The following ZNF226 variants were observed in gnomAD, a reference collection of about 807,000 sequenced individuals.
ZNF226 encodes the protein Kruppel-associated box protein.
In ZNF226, 6 loss-of-function variants were observed where a neutral mutation model predicts 11.4. The observed-to-expected ratio is 0.53, with a 90% CI of 0.29 to 1.04. The LOEUF is 1.04. ZNF226 is among the 50% of genes least tolerant of loss of function. The pLI is 0.08. For missense variants in ZNF226, 1,058 were observed against 956.5 expected, an observed-to-expected ratio of 1.11 and a Z score of -1.40; for synonymous variants, 350 against 322.8, an observed-to-expected ratio of 1.08 and a Z score of -0.90.
At chr19:44,165,435 C>T (rs376919769) in intron 1 of ZNF226, among the ~76,000 whole-genome samples, 1 of 152,042 alleles carries the variant, frequency 6.6e-6, no homozygotes, top group African/African-American at 2.4e-5. Context: ...TCACATTGAG[C>T]GAGTTAGTTA....
the ZNF226 span, among the ~76,000 whole-genome samples, chr19:44,192,127 T>G: frequency 1.4e-4 from 21 of 152,336 alleles, no homozygotes; most frequent in African/African-American, 4.6e-4. Flanking sequence ...ATGTGGAATT[T>G]ATTGGTTAAA....
At position 44,176,685 on chromosome 19, in the gene ZNF226, T is replaced by C. The variant is rs1222931829; in HGVS notation, c.1423T>C (p.Tyr475His). ...GGGAGTTCACACTGGAGAGAAGTCA[T>C]ACATATGTACTGTATGTGGGAAAGG... is the stretch of plus-strand genomic sequence containing the variant. ...HQGVHTGEKS[Y>H]ICTVCGKGFT... is the part of the protein sequence containing the mutation. Residue 475 changes from tyrosine to histidine, a missense_variant, in exon 6 of 6, where the codon TAC becomes CAC. Tyr to His is a moderately conservative substitution (Grantham distance 83, BLOSUM62 2). Coordinates refer to ENST00000337433, the MANE Select transcript of ZNF226 (RefSeq NM_001032373.2). 6.2e-7 allele frequency: 1 copy of C among 1,614,068 alleles called. No homozygotes were observed. Among genetic ancestry groups the C allele is most frequent in the Non-Finnish European group, 8.5e-7 (1 of 1,179,960 alleles).
rs773147201 is a variant in ZNF226, at chr19:44,177,355, C to G, written c.2093C>G (p.Pro698Arg). The change falls in exon 6 of 6, where the codon CCA becomes CGA. Residue 698 changes from proline to arginine, a missense_variant. By Grantham distance (103) the Pro-to-Arg change is moderately radical (BLOSUM62 -2). Coordinates refer to ENST00000337433, the MANE Select transcript of ZNF226 (RefSeq NM_001032373.2). The part of the protein sequence containing the change: ...MHQRVHTGEK[P>R]YKCGECGKYF... ...CAGAGGGTGCACACAGGAGAAAAAC[C>G]ATATAAATGTGGGGAGTGTGGTAAG... 1 of 1,614,022 alleles carries G rather than the reference C, an allele frequency of 6.2e-7. No individual in the cohort carries two copies. The highest frequency in any genetic ancestry group is 8.5e-7 in the Non-Finnish European group (1 of 1,179,998).
rs752899719 is a variant in ZNF226 at position 44,177,668 on chromosome 19, A to G, written c.2406A>G (p.Ile802Met). 1.3e-6 allele frequency: 2 copies of G among 1,576,612 alleles called. No homozygotes were observed. Among genetic ancestry groups the G allele is most frequent in the East Asian group, 4.5e-5 (2 of 44,628 alleles). ...IRESTQEKKS[I>M]K Reference sequence around the variant, plus strand: ...AATCCACACAGGAAAAAAAATCTATAAAATGATTCTTTGTGAAGACTCGTG... The same window carrying G: ...AATCCACACAGGAAAAAAAATCTATGAAATGATTCTTTGTGAAGACTCGTG... Residue 802 changes from isoleucine to methionine, a missense_variant, in exon 6 of 6, where the codon ATA becomes ATG. Transcript: ENST00000337433.
At chr19:44,194,950 C>T in the ZNF226 span, among the ~76,000 whole-genome samples, 1 of 152,256 alleles carries the variant, frequency 6.6e-6, no homozygotes, top group Non-Finnish European at 1.5e-5. Flanking sequence ...TGCATGTAAC[C>T]AAATTGACAT....
intron 3 of ZNF226, among the ~76,000 whole-genome samples, chr19:44,171,222 C>T (rs575792079): frequency 6.6e-6 from 1 of 152,148 alleles, no homozygotes; most frequent in African/African-American, 2.4e-5. Flanking sequence ...ATTAGGTATT[C>T]AGAATTGAAA....
At position 44,177,109 on chromosome 19, in the gene ZNF226, A is replaced by T; in HGVS notation, c.1847A>T (p.Asn616Ile). The T allele has an allele frequency of 3.7e-6, 6 of 1,613,968 alleles. No homozygotes were observed. Among genetic ancestry groups the T allele is most frequent in the Non-Finnish European group, 5.1e-6 (6 of 1,179,970 alleles). Residue 616 changes from asparagine to isoleucine, a missense_variant, in exon 6 of 6, where the codon AAT becomes ATT. Asn to Ile is a moderately radical substitution (Grantham distance 149). Transcript: ENST00000337433. ...ATCCACACAGGAGAGAAACCATATA[A>T]TTGTGAGGAGTGTGGGAAGGTCTTC... ...CRIHTGEKPYNCEECGKVFRQ... is the reference protein window; with the variant it reads ...CRIHTGEKPYICEECGKVFRQ...
chr19:44,172,246 T>C (rs1364780224), intron 4 of ZNF226, 32 bp downstream of exon 4: 1 of 1,599,244 alleles, frequency 6.3e-7, no homozygotes, highest in South Asian at 1.1e-5. Context: ...AATATCTTTG[T>C]GCCCTTGGAG....
chr19:44,198,875 G>A, the ZNF226 span, among the ~76,000 whole-genome samples: 1 of 152,206 alleles, frequency 6.6e-6, no homozygotes, highest in Admixed American at 6.5e-5. Flanking sequence ...TGCGATCTCG[G>A]CTCACTGCAA....
In ZNF226 at chr19:44,176,597, A is replaced by C; in HGVS notation, c.1335A>C (p.Lys445Asn). The change falls in exon 6 of 6, where the codon AAA becomes AAC. Residue 445 changes from lysine to asparagine, a missense_variant. Lys to Asn is a moderately conservative substitution (Grantham distance 94). Coordinates refer to ENST00000337433, the MANE Select transcript of ZNF226 (RefSeq NM_001032373.2). Reference protein sequence around the residue: ...YIHQRVHTGEKPYKCEECGKG... With the variant: ...YIHQRVHTGENPYKCEECGKG... The stretch of plus-strand genomic sequence containing the variant: ...ATCAGAGAGTCCACACAGGAGAAAA[A>C]CCCTATAAATGTGAGGAATGTGGTA... 6.2e-7 allele frequency: 1 copy of C among 1,613,968 alleles called. No individual in the cohort carries two copies. The highest frequency in any genetic ancestry group is 8.5e-7 in the Non-Finnish European group (1 of 1,179,960).
the ZNF226 span, among the ~76,000 whole-genome samples, chr19:44,191,659 A>C: frequency 1.3e-5 from 2 of 152,318 alleles, no homozygotes; most frequent in Admixed American, 1.3e-4. Context: ...CAAAATGGTT[A>C]AAACATTTAA....
intron 5 of ZNF226, chr19:44,175,263 G>T: frequency 7.2e-7 from 1 of 1,397,446 alleles, no homozygotes; most frequent in Non-Finnish European, 9.2e-7. Context: ...CAGTAGTTGT[G>T]TTTTTAAATG....
chr19:44,182,540 C>T (rs1714683381), downstream of ZNF226, among the ~76,000 whole-genome samples: 2 of 152,156 alleles, frequency 1.3e-5, no homozygotes, highest in Admixed American at 1.3e-4. Flanking sequence ...CCTTACTCAA[C>T]CCTTGTACTC....
the ZNF226 span, among the ~76,000 whole-genome samples, chr19:44,186,560 C>T: frequency 6.6e-6 from 1 of 151,972 alleles, no homozygotes; most frequent in Non-Finnish European, 1.5e-5. Flanking sequence ...TATCTTGCAA[C>T]TTTGCTGAGT....
intron 2 of ZNF226, among the ~76,000 whole-genome samples, chr19:44,166,200 A>G (rs368082323): frequency 1.3e-5 from 2 of 152,096 alleles, no homozygotes; most frequent in African/African-American, 4.8e-5. Flanking sequence ...GGGCTATTCT[A>G]TGACTTTTAA....
At position 44,172,198 on chromosome 19, in the gene ZNF226, G is replaced by C; in HGVS notation, c.126G>C (p.Arg42Ser). 1 of 1,611,990 alleles carries C rather than the reference G, an allele frequency of 6.2e-7. No homozygotes were observed. The highest frequency in any genetic ancestry group is 8.5e-7 in the Non-Finnish European group (1 of 1,178,656). Residue 42 changes from arginine to serine, a missense_variant, in exon 4 of 6, where the codon AGG (arginine) becomes AGC (serine). Physicochemically the swap from Arg to Ser is moderately radical, Grantham distance 110. Coordinates refer to ENST00000337433, the MANE Select transcript of ZNF226 (RefSeq NM_001032373.2). ...LYRDVMVENF[R>S]NLLSVGHPPF... ...GAGATGTGATGGTGGAGAACTTTAGGAACCTGCTGTCAGTGGGTGAGGACA... is the reference window on the plus strand; with the variant it reads ...GAGATGTGATGGTGGAGAACTTTAGCAACCTGCTGTCAGTGGGTGAGGACA...
intron 2 of ZNF226, among the ~76,000 whole-genome samples, chr19:44,167,169 C>T (rs1298165580): frequency 6.6e-6 from 1 of 152,074 alleles, no homozygotes; most frequent in Admixed American, 6.6e-5. Context: ...AGATTCCTTC[C>T]CATCTTTTGT....
At chr19:44,180,290 C>T (rs1008845281), downstream of ZNF226, among the ~76,000 whole-genome samples, 4 of 152,168 alleles carry the variant, frequency 2.6e-5, no homozygotes, top group Admixed American at 2.0e-4. Context: ...CTTTCTTAGG[C>T]GTTTCTGTGA....
intron 2 of ZNF226, among the ~76,000 whole-genome samples, chr19:44,166,433 G>T (rs978347126): frequency 6.6e-6 from 1 of 152,140 alleles, no homozygotes; most frequent in African/African-American, 2.4e-5. Flanking sequence ...CCCAGGAGGC[G>T]AGGCTGCAGT....
Sources: gnomAD v4.1 joint callset for allele counts (sites outside exome capture counted in the v4.1 genomes callset) on GRCh38, gnomAD v4.1.1 for gene constraint, MANE v1.5 for transcripts, NCBI Gene and HGNC (gene_info 2026-07-23, HGNC 2026-07-21) for gene names.